ARID2: variants seen among roughly 807,000 people sequenced by gnomAD.
The protein encoded by ARID2 is AT-rich interactive domain-containing protein 2.
In ARID2, 32 loss-of-function variants were observed where a neutral mutation model predicts 184.6. That is an observed-to-expected ratio of 0.17 (90% CI 0.13 to 0.23). The LOEUF (loss-of-function observed/expected upper bound fraction) is 0.23, where lower values mean the gene tolerates loss of function less well. ARID2 is among the 10% of genes least tolerant of loss of function. The probability of loss-of-function intolerance (pLI) is 1.00; values close to 1 mark genes in which losing one functional copy is unlikely to be tolerated. For synonymous variants in ARID2, 836 were observed against 772.6 expected (o/e 1.08, Z -1.36); for missense variants, 1,696 against 2,197.6 (o/e 0.77, Z 4.56).
chr12:45,897,507 T>C (rs1013666560), intron 20 of ARID2, among the ~76,000 whole-genome samples: 11 of 152,136 alleles, frequency 7.2e-5, no homozygotes, highest in Non-Finnish European at 1.6e-4. Context: ...GAAACTAATA[T>C]TCAGAATATA....
intron 15 of ARID2, among the ~76,000 whole-genome samples, chr12:45,856,511 C>T (rs1359643596): frequency 1.3e-5 from 2 of 152,148 alleles, no homozygotes; most frequent in South Asian, 2.1e-4. Context: ...TGTTATTCTA[C>T]AATTTCAAGG....
intron 3 of ARID2, among the ~76,000 whole-genome samples, chr12:45,788,680 G>A (rs1164707195): frequency 6.6e-6 from 1 of 152,048 alleles, no homozygotes; most frequent in East Asian, 1.9e-4. Flanking sequence ...CCAAACTGAA[G>A]GTTTCTACCA....
At chr12:45,774,687 A>G (rs1287715950) in intron 3 of ARID2, among the ~76,000 whole-genome samples, 2 of 152,262 alleles carry the variant, frequency 1.3e-5, no homozygotes, top group African/African-American at 2.4e-5. Flanking sequence ...TTTGTTAACT[A>G]TTACAGGAAG....
chr12:45,759,970 T>C (rs943436971), intron 3 of ARID2, among the ~76,000 whole-genome samples: 1 of 152,222 alleles, frequency 6.6e-6, no homozygotes, highest in African/African-American at 2.4e-5. Context: ...TAAATGATTC[T>C]TATTTTCTGA....
chr12:45,857,485 T>C (rs1195955800), intron 15 of ARID2, among the ~76,000 whole-genome samples: 1 of 152,214 alleles, frequency 6.6e-6, no homozygotes, highest in Non-Finnish European at 1.5e-5. Context: ...TTTGTTTATA[T>C]TTTAATGTGT....
At chr12:45,828,815 T>G (rs1209921226) in intron 6 of ARID2, among the ~76,000 whole-genome samples, 1 of 151,554 alleles carries the variant, frequency 6.6e-6, no homozygotes, top group East Asian at 1.9e-4. Context: ...GTAAGAGTTT[T>G]TTTTCTATAT....
At chr12:45,898,229 C>A (rs1193867437) in intron 20 of ARID2, among the ~76,000 whole-genome samples, 1 of 152,074 alleles carries the variant, frequency 6.6e-6, no homozygotes, top group South Asian at 2.1e-4. Flanking sequence ...CTAGAAGAGT[C>A]AAATGCATAG....
At chr12:45,796,593 A>G (rs56338250) in intron 3 of ARID2, among the ~76,000 whole-genome samples, 12,140 of 152,208 alleles carry the variant, frequency 0.08, 1,652 homozygotes, top group African/African-American at 0.27. Context: ...GGCTCACTGC[A>G]ACCTCCGCCT....
chr12:45,894,779 G>A (rs550433764), intron 20 of ARID2, among the ~76,000 whole-genome samples: 1 of 152,098 alleles, frequency 6.6e-6, no homozygotes, highest in Admixed American at 6.5e-5. Flanking sequence ...GAGAATACCA[G>A]TATCTTCATG....
At position 45,851,054 on chromosome 12, in the gene ARID2, C is replaced by T. The variant is rs2138167448; in HGVS notation, c.2931C>T (p.Val977=). 2 of 1,614,160 alleles carry T rather than the reference C, an allele frequency of 1.2e-6. No homozygotes were observed. Among genetic ancestry groups the T allele is most frequent in the Non-Finnish European group, 1.7e-6 (2 of 1,180,014 alleles). The change falls in exon 15 of 21, where the codon GTC becomes GTT. Residue 977 remains valine, a synonymous_variant. Transcript: ENST00000334344. ...NITPSSSPSP[V]PATNNQVPTA... The stretch of plus-strand genomic sequence containing the variant: ...CTCCATCTTCTTCACCATCACCTGT[C>T]CCAGCTACTAATAACCAAGTCCCTA...
chr12:45,839,871 A>C (rs1460558684), intron 11 of ARID2: 1 of 176,580 alleles, frequency 5.7e-6, no homozygotes, highest in African/African-American at 2.4e-5. Flanking sequence ...TTCTCAGGTG[A>C]TCATCAGGAC....
At chr12:45,787,165 CA>C (rs1458617704) in intron 3 of ARID2, among the ~76,000 whole-genome samples, 3 of 151,332 alleles carry the variant, frequency 2.0e-5, no homozygotes, top group Non-Finnish European at 4.4e-5. Context: ...TGAGATATTG[CA>C]AATGTTAATC....
At position 45,850,350 on chromosome 12, in the gene ARID2, G is replaced by C. The variant is rs756592035; in HGVS notation, c.2227G>C (p.Val743Leu). Residue 743 changes from valine to leucine, a missense_variant, in exon 15 of 21, where the codon GTT (valine) becomes CTT (leucine). Coordinates refer to ENST00000334344, the MANE Select transcript of ARID2 (RefSeq NM_152641.4). ...AVGGGPPQSS[V>L]VQNHSTGPQP... ...TGGAGGAGGACCTCCACAGAGTTCT[G>C]TTGTTCAGAATCATAGTACAGGGCC... The C allele has an allele frequency of 2.5e-6, 4 of 1,614,116 alleles. No individual in the cohort carries two copies. The highest frequency in any genetic ancestry group is 2.2e-5 in the East Asian group (1 of 44,878).
intron 16 of ARID2, chr12:45,880,883 A>C (rs73097345): frequency 1.1e-5 from 2 of 185,160 alleles, no homozygotes; most frequent in Admixed American, 5.4e-5. Context: ...GTTCATCTGC[A>C]TAAGTGAATA....
intron 16 of ARID2, among the ~76,000 whole-genome samples, chr12:45,876,710 A>T (rs966100372): frequency 6.6e-6 from 1 of 152,042 alleles, no homozygotes; most frequent in African/African-American, 2.4e-5. Context: ...AAAATGTGAT[A>T]TAAAGACAGG....
At chr12:45,874,543 A>G (rs1294097508) in intron 16 of ARID2, among the ~76,000 whole-genome samples, 1 of 152,158 alleles carries the variant, frequency 6.6e-6, no homozygotes, top group African/African-American at 2.4e-5. Flanking sequence ...GATTTTAGCA[A>G]TTCAGTTACA....
chr12:45,781,051 A>C (rs1942079763), intron 3 of ARID2, among the ~76,000 whole-genome samples: 1 of 151,840 alleles, frequency 6.6e-6, no homozygotes. Flanking sequence ...TAAATCCCCC[A>C]CTCCCATAAA....
intron 11 of ARID2, among the ~76,000 whole-genome samples, chr12:45,846,378 G>A (rs1592116016): frequency 6.6e-6 from 1 of 152,186 alleles, no homozygotes; most frequent in East Asian, 1.9e-4. Context: ...ATTAGGGAGT[G>A]AAGCCATAAT....
At chr12:45,788,698 T>A (rs1012249837) in intron 3 of ARID2, among the ~76,000 whole-genome samples, 10 of 152,308 alleles carry the variant, frequency 6.6e-5, no homozygotes, top group Admixed American at 3.3e-4. Context: ...CCACCCTTTT[T>A]GTTTCCCAGC....
Sources: allele counts gnomAD v4.1 joint callset (sites outside exome capture counted in the v4.1 genomes callset), GRCh38; gene constraint gnomAD v4.1.1; transcripts MANE v1.5; gene names NCBI Gene and HGNC (gene_info 2026-07-23, HGNC 2026-07-21).